The following GNAS variants were observed in gnomAD, a reference collection of about 807,000 sequenced individuals.
The protein encoded by GNAS is GNAS complex locus.
In GNAS, 8 loss-of-function variants were observed where a neutral mutation model predicts 54.5. The observed-to-expected ratio is 0.15, with a 90% CI of 0.09 to 0.26. GNAS has a LOEUF of 0.26. Among genes scored for constraint, GNAS ranks in the 10% least tolerant of loss-of-function variants. The probability of loss-of-function intolerance (pLI) is 1.00; values close to 1 mark genes in which losing one functional copy is unlikely to be tolerated. For missense variants in GNAS, 170 were observed against 529.8 expected, an observed-to-expected ratio of 0.32 and a Z score of 6.67; for synonymous variants, 204 against 191.4, an observed-to-expected ratio of 1.07 and a Z score of -0.54.
chr20:58,842,363 T>G, intron 1 of GNAS: 1 of 398,204 alleles, frequency 2.5e-6, no homozygotes, highest in East Asian at 3.6e-5. Context: ...TAAAGCGTTT[T>G]GAGGGCTTGA....
chr20:58,840,932 AGC>A lies in GNAS; in HGVS notation c.43+47_43+48del. ...CTGGGGAGCCTGAGGGCGGTGTGGG[AGC>A]AGCGCAGGTGGAAAGGAGGTGAGAA... On this transcript the variant is annotated intron_variant, in intron 1 of 12. Transcript: ENST00000306090. This position sits in a 1 kb window ranked among gnomAD's most constrained non-coding sequence, Gnocchi z 6.0. The A allele has an allele frequency of 3.1e-6, 5 of 1,601,560 alleles. No homozygotes were observed. Among genetic ancestry groups the A allele is most frequent in the Non-Finnish European group, 3.4e-6 (4 of 1,172,762 alleles).
At position 58,907,950 on chromosome 20, in the gene GNAS, T is replaced by C. The variant is rs79220977; in HGVS notation, c.531-1212T>C. Among the ~76,000 whole-genome samples, 1,518 of 152,340 alleles carry C rather than the reference T, an allele frequency of 1.0e-2. 30 individuals carry two copies. Among genetic ancestry groups the C allele is most frequent in the African/African-American group, 0.035 (1,440 of 41,574 alleles). ...ATGTCTCTCTCACAAGATTTGGTGC[T>C]GATGATCTATTTATAGAACTGTGGT... On this transcript the variant is annotated intron_variant, in intron 6 of 12. Transcript: ENST00000371085.
rs375410323 is a variant in GNAS at position 58,903,701 on chromosome 20, G to A, written c.342G>A (p.Val114=). ...TTGTGGCCGCCATGAGCAACCTGGT[G>A]CCCCCCGTGGAGCTGGCCAACCCCG... ...ETIVAAMSNL[V]PPVELANPEN... The change falls in exon 5 of 13, where the codon GTG becomes GTA. Residue 114 remains valine, a synonymous_variant. Coordinates refer to ENST00000371085, the MANE Select transcript of GNAS (RefSeq NM_000516.7). The A allele has an allele frequency of 5.3e-5, 86 of 1,613,742 alleles. No individual in the cohort carries two copies. Among genetic ancestry groups the A allele is most frequent in the Non-Finnish European group, 6.9e-5 (82 of 1,179,884 alleles).
At chr20:58,892,697 A>G (rs989500290) in intron 1 of GNAS, among the ~76,000 whole-genome samples, 14 of 152,108 alleles carry the variant, frequency 9.2e-5, no homozygotes, top group East Asian at 5.8e-4. Flanking sequence ...GAAGGAGGAG[A>G]AGGAGAGTCA....
At chr20:58,893,265 T>TA (rs577638609) in intron 1 of GNAS, among the ~76,000 whole-genome samples, 97 of 151,774 alleles carry the variant, frequency 6.4e-4, no homozygotes, top group African/African-American at 2.3e-3. Context: ...AATAATAAAA[T>TA]AAAAAAAGGT....
At position 58,853,176 on chromosome 20, in the gene GNAS, AAAT is replaced by A. The variant is rs892836925; in HGVS notation, c.43+12303_43+12305del. The A allele has an allele frequency of 3.5e-6, 5 of 1,444,366 alleles. No homozygotes were observed. The highest frequency in any genetic ancestry group is 2.9e-5 in the African/African-American group (2 of 69,508). 89.5% of individuals were successfully genotyped at this position (1,444,366 alleles called of 1,614,324 possible). On this transcript the variant is annotated intron_variant, in intron 1 of 12. Transcript: ENST00000306090. The surrounding 1 kb of genome is among the most constrained non-coding windows in gnomAD (Gnocchi z 4.4). ...CTTTCCAGCTGGTACTTTGATTTTAAAATAATAATAATAATTTTTTCACCCTAG... is the reference window on the plus strand; with the variant it reads ...CTTTCCAGCTGGTACTTTGATTTTAAAATAATAATAATTTTTTCACCCTAG...
chr20:58,883,311 G>T (rs1801902917), intron 1 of GNAS, among the ~76,000 whole-genome samples: 1 of 152,150 alleles, frequency 6.6e-6, no homozygotes, highest in African/African-American at 2.4e-5. Context: ...TTTTTTCGGT[G>T]TAATTAGCAC....
intron 1 of GNAS, chr20:58,848,729 AG>A (rs1430393429): frequency 2.5e-6 from 1 of 392,620 alleles, no homozygotes; most frequent in Non-Finnish European, 4.5e-6. Context: ...TAAACCCACT[AG>A]CCGATCACCC....
In GNAS at chr20:58,856,519, T is replaced by G. The variant is rs897629527; in HGVS notation, c.43+15633T>G. The G allele has an allele frequency of 3.3e-5, 5 of 152,600 alleles. No homozygotes were observed. The highest frequency in any genetic ancestry group is 1.2e-4 in the African/African-American group (5 of 41,452). 9.5% of individuals were successfully genotyped at this position (152,600 alleles called of 1,614,324 possible). A position where few individuals can be genotyped will look rare whatever the true frequency, so the allele number is the denominator to read the frequency against. Reference sequence around the variant, plus strand: ...TGGAATGTCACCTTTGTGTTTGAAATGCAACTAAAATAAAAGTTTTCAAAA... The same window carrying G: ...TGGAATGTCACCTTTGTGTTTGAAAGGCAACTAAAATAAAAGTTTTCAAAA... On this transcript the variant is annotated intron_variant, in intron 1 of 12. Coordinates refer to the GNAS transcript ENST00000306090. This position sits in a 1 kb window ranked among gnomAD's most constrained non-coding sequence, Gnocchi z 4.2.
At chr20:58,870,294 G>T (rs1473187493) in intron 1 of GNAS, among the ~76,000 whole-genome samples, 1 of 152,164 alleles carries the variant, frequency 6.6e-6, no homozygotes, top group Non-Finnish European at 1.5e-5. Flanking sequence ...TTCCTCTGAG[G>T]ATTCTTTAAA....
intron 1 of GNAS, among the ~76,000 whole-genome samples, chr20:58,864,303 A>G (rs2086920187): frequency 6.6e-6 from 1 of 152,180 alleles, no homozygotes; most frequent in Non-Finnish European, 1.5e-5. Flanking sequence ...CTCTTTTCAA[A>G]AGACAGACCT....
intron 1 of GNAS, chr20:58,856,000 C>A (rs1199826178): frequency 1.2e-5 from 3 of 250,330 alleles, no homozygotes; most frequent in Non-Finnish European, 2.3e-5. Context: ...CTGCGGCAAG[C>A]GGTGCGGAGG....
Position 58,862,559 on chromosome 20 carries a change from G to GT in GNAS, c.43+21683dup, listed in dbSNP as rs371501357. ...TTGGTTAGTTTTCTGTTGTTGCTGG[G>GT]TTTTTTTTTTGTTTGTGTCTTTGTT... On this transcript the variant is annotated intron_variant, in intron 1 of 12. Coordinates refer to the GNAS transcript ENST00000306090. Among the ~76,000 whole-genome samples the GT allele has an allele frequency of 2.4e-3, 344 of 145,644 alleles. 2 individuals carry two copies. Among genetic ancestry groups the GT allele is most frequent in the African/African-American group, 6.9e-3 (274 of 39,658 alleles).
intron 1 of GNAS, chr20:58,855,183 C>A: frequency 6.2e-7 from 1 of 1,608,486 alleles, no homozygotes; most frequent in East Asian, 2.2e-5. Flanking sequence ...CAAGAAGGTA[C>A]CCCTGGCGGA....
chr20:58,868,022 CT>C lies in GNAS; in HGVS notation c.43+27152del, dbSNP rs370255144. On this transcript the variant is annotated intron_variant, in intron 1 of 12. Transcript: ENST00000306090. ...GGACACCTCTCCTGTTTCTTTCTTT[CT>C]TTTTTTTTTTTTTTTGAGATGGAGT... Among the ~76,000 whole-genome samples the C allele has an allele frequency of 3.6e-3, 478 of 132,518 alleles. 1 individual carries two copies. Among genetic ancestry groups the C allele is most frequent in the Middle Eastern group, 0.011 (3 of 264 alleles). The allele number at this position is 132,518 out of a possible 152,430, so 86.9% of individuals were successfully genotyped here. A position where few individuals can be genotyped will look rare whatever the true frequency, so the allele number is the denominator to read the frequency against.
intron 2 of GNAS, chr20:58,897,566 C>G (rs1399785137): frequency 1.3e-5 from 2 of 152,190 alleles, no homozygotes; most frequent in African/African-American, 4.8e-5. Context: ...ACAGATTGCC[C>G]TAAAATTTAA....
Position 58,868,036 on chromosome 20 carries a change from T to G in GNAS, c.43+27150T>G, listed in dbSNP as rs575277112. 2.6e-3 allele frequency among the ~76,000 whole-genome samples: 396 copies of G among 151,450 alleles called. 3 individuals are homozygous for G. Among genetic ancestry groups the G allele is most frequent in the Middle Eastern group, 6.8e-3 (2 of 294 alleles). ...TTTCTTTCTTTCTTTTTTTTTTTTT[T>G]TTGAGATGGAGTCTTGCTCTGTCAC... On this transcript the variant is annotated intron_variant, in intron 1 of 12. Transcript: ENST00000306090.
chr20:58,846,095 A>G (rs2085929446), intron 1 of GNAS, among the ~76,000 whole-genome samples: 1 of 152,204 alleles, frequency 6.6e-6, no homozygotes, highest in South Asian at 2.1e-4. Flanking sequence ...GGAAAAGAAG[A>G]ATTTGAGGGA....
chr20:58,842,327 C>A (rs1294759608), intron 1 of GNAS: 2 of 397,664 alleles, frequency 5.0e-6, no homozygotes, highest in African/African-American at 2.1e-5. Flanking sequence ...CTTAATTATA[C>A]GGATGACAAC....
Sources: gnomAD v4.1 joint callset for allele counts (sites outside exome capture counted in the v4.1 genomes callset) on GRCh38, gnomAD v4.1.1 for gene constraint, Gnocchi (gnomAD v3.1) non-coding constraint, MANE v1.5 for transcripts, NCBI Gene and HGNC (gene_info 2026-07-23, HGNC 2026-07-21) for gene names.